The following POLE2 variants were observed in gnomAD, a reference collection of about 807,000 sequenced individuals.
POLE2 encodes the protein DNA polymerase epsilon subunit 2.
A neutral mutation model predicts 79.4 loss-of-function variants in POLE2; 56 were observed. The ratio of observed to expected loss-of-function variants is 0.71; its 90% confidence interval spans 0.57 to 0.88. The LOEUF (loss-of-function observed/expected upper bound fraction) is 0.88. Among genes scored for constraint, POLE2 ranks in the 40% least tolerant of loss-of-function variants. The pLI, the probability that POLE2 is intolerant of heterozygous loss-of-function variation, is 0.00. For synonymous variants in POLE2, 212 were observed against 214.0 expected (o/e 0.99, Z 0.08); for missense variants, 598 against 638.9 (o/e 0.94, Z 0.69).
chr14:49,658,910 T>G (rs992994216), intron 10 of POLE2, among the ~76,000 whole-genome samples: 1 of 152,166 alleles, frequency 6.6e-6, no homozygotes, highest in Admixed American at 6.6e-5. Context: ...TTTTTTTAAC[T>G]GTAAAACAGC....
intron 13 of POLE2, 174 bp from the exon 14 acceptor site, chr14:49,654,388 G>A (rs1884494920): frequency 3.4e-6 from 2 of 581,232 alleles, no homozygotes; most frequent in Non-Finnish European, 6.0e-6. Flanking sequence ...GTAATGTCAT[G>A]ATAGAAAAGT....
intron 12 of POLE2, 78 bp from the exon 13 acceptor site, chr14:49,654,916 T>C: frequency 7.2e-7 from 1 of 1,383,822 alleles, no homozygotes; most frequent in South Asian, 1.6e-5. Context: ...CAATCCTGTA[T>C]ATTCTTAATT....
intron 10 of POLE2, among the ~76,000 whole-genome samples, chr14:49,657,145 T>C (rs2139630557): frequency 6.6e-6 from 1 of 151,704 alleles, no homozygotes; most frequent in South Asian, 2.1e-4. Flanking sequence ...GTCAGCCAAT[T>C]GTAATTGGGC....
intron 5 of POLE2, among the ~76,000 whole-genome samples, chr14:49,673,403 A>T (rs373037643): frequency 5.3e-5 from 8 of 151,866 alleles, no homozygotes; most frequent in African/African-American, 1.9e-4. Context: ...GCCTTTCCAA[A>T]CTGATCCCAC....
chr14:49,659,373 C>T (rs1884938895), intron 10 of POLE2, among the ~76,000 whole-genome samples: 1 of 151,836 alleles, frequency 6.6e-6, no homozygotes, highest in Non-Finnish European at 1.5e-5. Context: ...CACTGCATTC[C>T]AGCCTGAAGA....
intron 5 of POLE2, 26 bp from the exon 6 acceptor site, chr14:49,669,624 A>C (rs371361426): frequency 8.2e-7 from 1 of 1,214,420 alleles, no homozygotes; most frequent in African/African-American, 1.5e-5. Context: ...ATTCACATGA[A>C]TTCCTGAAAC....
chr14:49,686,893 A>C (rs1887175755), intron 1 of POLE2, among the ~76,000 whole-genome samples: 1 of 151,982 alleles, frequency 6.6e-6, no homozygotes, highest in Non-Finnish European at 1.5e-5. Flanking sequence ...GTCCCATAAA[A>C]CTCACAAAAC....
chr14:49,655,808 G>A lies in POLE2; in HGVS notation c.791C>T (p.Pro264Leu). The A allele has an allele frequency of 1.3e-6, 2 of 1,575,454 alleles. No individual in the cohort carries two copies. The highest frequency in any genetic ancestry group is 1.4e-5 in the African/African-American group (1 of 73,400). The change falls in exon 11 of 19, where the codon CCT becomes CTT. Residue 264 changes from proline (P) to leucine (L), a missense_variant. Transcript: ENST00000216367. ...YYGNINFFGG[P>L]SNTSVKTSAK... Reference sequence around the variant, plus strand: ...AGAAGTCTTCACAGATGTATTAGAAGGACCTCCAAAAAAATTAATATTTCC... The same window carrying A: ...AGAAGTCTTCACAGATGTATTAGAAAGACCTCCAAAAAAATTAATATTTCC...
chr14:49,680,077 C>T (rs1886589667), intron 2 of POLE2, among the ~76,000 whole-genome samples: 1 of 152,184 alleles, frequency 6.6e-6, no homozygotes, highest in Non-Finnish European at 1.5e-5. Flanking sequence ...GAGCTAGGGT[C>T]GGTGGCTCAC....
intron 10 of POLE2, among the ~76,000 whole-genome samples, chr14:49,660,262 T>A (rs886715249): frequency 6.6e-6 from 1 of 152,156 alleles, no homozygotes; most frequent in African/African-American, 2.4e-5. Context: ...GTGGGCTATA[T>A]CATCTAGGTT....
intron 2 of POLE2, among the ~76,000 whole-genome samples, chr14:49,683,315 T>C (rs1402970787): frequency 6.6e-6 from 1 of 151,792 alleles, no homozygotes; most frequent in Admixed American, 6.6e-5. Context: ...GACAAGAAAA[T>C]TGCTTGAACC....
rs544335288 is a variant in POLE2, at chr14:49,650,032, G to A, written c.1497+233C>T. 2.0e-5 allele frequency: 5 copies of A among 255,296 alleles called. No homozygotes were observed. The East Asian group carries it at 3.5e-4, about 18-fold the overall frequency. The allele number at this position is 255,296 out of a possible 1,614,324, so 15.8% of individuals were successfully genotyped here. ...TTTGGATTTATGTTTTGGTATGCTT[G>A]TGGGTATGCTTGTTTTTTTGTTTTT... On this transcript the variant is annotated intron_variant, in intron 17 of 18. Transcript: ENST00000216367.
intron 9 of POLE2, 110 bp from the exon 10 acceptor site, chr14:49,663,497 A>G (rs1885241320): frequency 1.8e-6 from 1 of 564,410 alleles, no homozygotes; most frequent in East Asian, 3.2e-5. Flanking sequence ...CCTGTGAACT[A>G]ATTACAGAGG....
chr14:49,670,196 A>T (rs1429205535), intron 5 of POLE2, among the ~76,000 whole-genome samples: 1 of 151,702 alleles, frequency 6.6e-6, no homozygotes, highest in African/African-American at 2.4e-5. Flanking sequence ...GGTGCCTGTA[A>T]TCCCAGCTAC....
chr14:49,686,583 G>C (rs1887153510), intron 1 of POLE2, among the ~76,000 whole-genome samples: 1 of 152,166 alleles, frequency 6.6e-6, no homozygotes, highest in African/African-American at 2.4e-5. Flanking sequence ...GAGATAATGT[G>C]TACTGTTTTA....
intron 1 of POLE2, among the ~76,000 whole-genome samples, chr14:49,684,381 C>T (rs976797030): frequency 6.6e-6 from 1 of 151,140 alleles, no homozygotes; most frequent in Non-Finnish European, 1.5e-5. Context: ...AGGAGAATGG[C>T]GTGAACCCGG....
At chr14:49,661,868 G>A (rs1032580797) in intron 10 of POLE2, among the ~76,000 whole-genome samples, 1 of 152,096 alleles carries the variant, frequency 6.6e-6, no homozygotes, top group Non-Finnish European at 1.5e-5. Context: ...ATACTAAGCA[G>A]TTGGATTTAG....
At chr14:49,687,945 G>A (rs1239058550) in intron 1 of POLE2, among the ~76,000 whole-genome samples, 191 bp downstream of exon 1, 1 of 152,112 alleles carries the variant, frequency 6.6e-6, no homozygotes, top group African/African-American at 2.4e-5. Context: ...TGATCCGCCC[G>A]CCTCGACCTC....
rs1328686430 is a variant in POLE2 at position 49,655,769 on chromosome 14, T to A, written c.830A>T (p.Gln277Leu). 6.2e-7 allele frequency: 1 copy of A among 1,608,930 alleles called. No homozygotes were observed. The highest frequency in any genetic ancestry group is 1.1e-5 in the South Asian group (1 of 90,776). ...AGCATCTTTATTCTCCTCTTCTAGC[T>A]GTTTTAGTTTTGCAGAAGTCTTCAC... is the stretch of plus-strand genomic sequence containing the variant. ...TSVKTSAKLK[Q>L]LEEENKDAMF... Residue 277 changes from glutamine (Q) to leucine (L), a missense_variant, in exon 11 of 19, where the codon CAG (glutamine) becomes CTG (leucine). By Grantham distance (113) the Gln-to-Leu change is moderately radical (BLOSUM62 -2). Transcript: ENST00000216367.
Sources: gnomAD v4.1 joint callset for allele counts (sites outside exome capture counted in the v4.1 genomes callset) on GRCh38, gnomAD v4.1.1 for gene constraint, MANE v1.5 for transcripts, NCBI Gene and HGNC (gene_info 2026-07-23, HGNC 2026-07-21) for gene names.